Variants in RIMS1 observed in about 807,000 individuals in gnomAD.
RIMS1 encodes the protein regulating synaptic membrane exocytosis 1, also known as regulating synaptic membrane exocytosis protein 1.
A neutral mutation model predicts 214.1 loss-of-function variants in RIMS1; 83 were observed. The observed-to-expected ratio is 0.39, with a 90% CI of 0.32 to 0.47. The LOEUF (loss-of-function observed/expected upper bound fraction) is 0.47, where lower values mean the gene tolerates loss of function less well. RIMS1 is among the 20% of genes least tolerant of loss of function. The pLI, the probability that RIMS1 is intolerant of heterozygous loss-of-function variation, is 0.99. For synonymous variants in RIMS1, 793 were observed against 786.8 expected, an observed-to-expected ratio of 1.01 and a Z score of -0.13; for missense variants, 2,050 against 2,161.8, an observed-to-expected ratio of 0.95 and a Z score of 1.03.
intron 23 of RIMS1, among the ~76,000 whole-genome samples, chr6:72,283,356 A>G (rs932616116): frequency 1.3e-5 from 2 of 152,146 alleles, no homozygotes; most frequent in Non-Finnish European, 2.9e-5. Flanking sequence ...GGAAAAATGC[A>G]TTTCAAGTGT....
intron 28 of RIMS1, 106 bp from the exon 29 acceptor site, chr6:72,333,494 C>A: frequency 1.1e-6 from 1 of 892,362 alleles, no homozygotes; most frequent in Non-Finnish European, 1.7e-6. Flanking sequence ...TGCATTTTCT[C>A]CCTAAAAATG....
chr6:72,022,258 C>T (rs538962663), intron 2 of RIMS1, among the ~76,000 whole-genome samples: 8 of 152,200 alleles, frequency 5.3e-5, no homozygotes, highest in South Asian at 4.2e-4. Context: ...GACAGCAAAA[C>T]GTTTAAGTTG....
At chr6:71,966,043 A>G (rs571947924) in intron 1 of RIMS1, among the ~76,000 whole-genome samples, 38 of 152,226 alleles carry the variant, frequency 2.5e-4, no homozygotes, top group Non-Finnish European at 5.0e-4. Flanking sequence ...GGTCAAAACT[A>G]TTAAGGTTTT....
intron 28 of RIMS1, among the ~76,000 whole-genome samples, chr6:72,322,516 G>A (rs1033296027): frequency 6.6e-6 from 1 of 152,086 alleles, no homozygotes; most frequent in African/African-American, 2.4e-5. Context: ...CCCCAGGCAT[G>A]ACAGTATAGT....
intron 1 of RIMS1, among the ~76,000 whole-genome samples, chr6:71,894,493 A>T (rs1201110165): frequency 6.6e-6 from 1 of 152,192 alleles, no homozygotes; most frequent in Non-Finnish European, 1.5e-5. Context: ...TCTCAACAGA[A>T]TGATGCTTTT....
At chr6:72,152,365 T>C (rs1333542451) in intron 4 of RIMS1, among the ~76,000 whole-genome samples, 1 of 152,166 alleles carries the variant, frequency 6.6e-6, no homozygotes, top group African/African-American at 2.4e-5. Context: ...AGAGAACAGT[T>C]GGGTAGCTTG....
At chr6:72,027,327 A>G (rs1450507772) in intron 2 of RIMS1, among the ~76,000 whole-genome samples, 2 of 152,104 alleles carry the variant, frequency 1.3e-5, no homozygotes, top group Non-Finnish European at 2.9e-5. Context: ...TGGGGCAAAC[A>G]ATTTTTGCCT....
chr6:72,007,572 T>C (rs1217619543), intron 2 of RIMS1, among the ~76,000 whole-genome samples: 1 of 152,126 alleles, frequency 6.6e-6, no homozygotes, highest in Non-Finnish European at 1.5e-5. Flanking sequence ...GTTAAAAACC[T>C]TGAAAACAGA....
chr6:71,961,522 T>C (rs150527579), intron 1 of RIMS1, among the ~76,000 whole-genome samples: 55 of 152,216 alleles, frequency 3.6e-4, no homozygotes, highest in Non-Finnish European at 6.8e-4. Context: ...AGCTTTCATC[T>C]ATGTTTGTAG....
At chr6:72,369,297 G>A (rs1392164119) in intron 29 of RIMS1, among the ~76,000 whole-genome samples, 1 of 152,042 alleles carries the variant, frequency 6.6e-6, no homozygotes. Flanking sequence ...TTTTGATAGT[G>A]AGAGGATAGT....
intron 26 of RIMS1, among the ~76,000 whole-genome samples, chr6:72,296,988 G>A (rs187540614): frequency 3.3e-5 from 5 of 151,448 alleles, no homozygotes; most frequent in African/African-American, 4.8e-5. Flanking sequence ...CTCACCCTTA[G>A]CATATTTAGT....
intron 1 of RIMS1, among the ~76,000 whole-genome samples, chr6:71,944,262 A>C (rs369697829): frequency 1.3e-4 from 20 of 152,342 alleles, no homozygotes; most frequent in East Asian, 5.8e-4. Flanking sequence ...GTATTGCTTA[A>C]GACTTGTAAG....
intron 9 of RIMS1, among the ~76,000 whole-genome samples, chr6:72,239,823 G>C (rs2065943862): frequency 6.6e-6 from 1 of 152,074 alleles, no homozygotes; most frequent in East Asian, 1.9e-4. Flanking sequence ...CCAGGATGTT[G>C]GTCCACCTGT....
intron 2 of RIMS1, among the ~76,000 whole-genome samples, chr6:72,032,955 A>G (rs984503606): frequency 2.0e-5 from 3 of 152,214 alleles, no homozygotes; most frequent in African/African-American, 7.2e-5. Context: ...CTAAAGAAGA[A>G]ATAACTAGCC....
intron 2 of RIMS1, among the ~76,000 whole-genome samples, chr6:71,978,825 T>C (rs1797783034): frequency 6.6e-6 from 1 of 152,102 alleles, no homozygotes; most frequent in African/African-American, 2.4e-5. Context: ...TCTATTGATA[T>C]TAGAAAAAAT....
chr6:71,992,504 T>TCTCCTCCTCCTCCTCTTCCTCCTC (rs1329607305), intron 2 of RIMS1, among the ~76,000 whole-genome samples: 85 of 149,842 alleles, frequency 5.7e-4, no homozygotes, highest in African/African-American at 1.9e-3. Context: ...TTTTTCTTCT[T>TCTCCTCCTCCTCCTCTTCCTCCTC]CTCCTCCTCC....
intron 2 of RIMS1, among the ~76,000 whole-genome samples, chr6:72,040,357 C>T (rs1821104181): frequency 6.6e-6 from 1 of 151,958 alleles, no homozygotes; most frequent in South Asian, 2.1e-4. Context: ...GAATAGTAGT[C>T]ACAGGCTTTC....
intron 1 of RIMS1, among the ~76,000 whole-genome samples, chr6:71,920,031 T>C (rs1432356917): frequency 1.3e-5 from 2 of 152,224 alleles, no homozygotes; most frequent in African/African-American, 2.4e-5. Flanking sequence ...ACCATAAACA[T>C]GAGAATATAC....
chr6:71,984,403 T>C (rs922454396), intron 2 of RIMS1, among the ~76,000 whole-genome samples: 7 of 151,808 alleles, frequency 4.6e-5, no homozygotes, highest in African/African-American at 1.4e-4. Context: ...AATAGGGCTG[T>C]GTCTCTACCT....
Sources: gnomAD v4.1 joint callset for allele counts (sites outside exome capture counted in the v4.1 genomes callset) on GRCh38, gnomAD v4.1.1 for gene constraint, MANE v1.5 for transcripts, NCBI Gene and HGNC (gene_info 2026-07-23, HGNC 2026-07-21) for gene names.